Variants in SUGP2 observed in about 807,000 individuals in gnomAD.
SUGP2 encodes the protein SURP and G-patch domain-containing protein 2.
Under a neutral mutation model 90.5 loss-of-function variants are expected in SUGP2, and 24 were observed. That is an observed-to-expected ratio of 0.27 (90% CI 0.19 to 0.37). The LOEUF is 0.37. Among genes scored for constraint, SUGP2 ranks in the 10% least tolerant of loss-of-function variants. The pLI, the probability that SUGP2 is intolerant of heterozygous loss-of-function variation, is 1.00. For missense variants in SUGP2, 1,233 were observed against 1,363.3 expected (o/e 0.90, Z 1.51); for synonymous variants, 473 against 513.4 (o/e 0.92, Z 1.06).
chr19:19,005,882 CACACACACACCA>C (rs1015373331), intron 6 of SUGP2, among the ~76,000 whole-genome samples: 4 of 32,632 alleles, frequency 1.2e-4, no homozygotes, highest in African/African-American at 5.0e-4. Flanking sequence ...CACACACACA[CACACACACACCA>C]CACACACACA....
intron 2 of SUGP2, 128 bp downstream of exon 2, chr19:19,030,823 C>T: frequency 1.8e-6 from 2 of 1,124,770 alleles, no homozygotes; most frequent in Non-Finnish European, 1.3e-6. Context: ...CCTTTACCTC[C>T]TCCTAAATAA....
intron 4 of SUGP2, among the ~76,000 whole-genome samples, chr19:19,013,503 T>G (rs2145535007): frequency 6.6e-6 from 1 of 152,320 alleles, no homozygotes; most frequent in South Asian, 2.1e-4. Context: ...AACTTTTATT[T>G]TGTATCAATA....
Position 19,004,362 on chromosome 19 carries a change from G to T in SUGP2, c.2735C>A (p.Ala912Glu). ...AGGGGTGCTGCCCTCAGACTTGCCC[G>T]CCCCTCCAGGAGCGGGGGCCTCCTC... ...GGEEAPAPGG[A>E]GKSEGSTPAD... The change falls in exon 7 of 11, where the codon GCG (alanine) becomes GAG (glutamate). Residue 912 changes from alanine to glutamate, a missense_variant. Coordinates refer to ENST00000452918, the MANE Select transcript of SUGP2 (RefSeq NM_001017392.5). 6.2e-7 allele frequency: 1 copy of T among 1,613,468 alleles called. No homozygotes were observed. Among genetic ancestry groups the T allele is most frequent in the Admixed American group, 1.7e-5 (1 of 59,968 alleles).
At chr19:18,995,911 G>C (rs1402156196) in intron 8 of SUGP2, among the ~76,000 whole-genome samples, 1 of 152,188 alleles carries the variant, frequency 6.6e-6, no homozygotes, top group Non-Finnish European at 1.5e-5. Context: ...GGGAAGTGCA[G>C]CAATCTCTGG....
rs2058612471 is a variant in SUGP2, at chr19:19,019,135, A to T, written c.1824T>A (p.Thr608=). The change falls in exon 4 of 11, where the codon ACT becomes ACA. Residue 608 remains threonine (T), a synonymous_variant. Coordinates refer to ENST00000452918, the MANE Select transcript of SUGP2 (RefSeq NM_001017392.5). ...IEGSLSPKER[T]LLKEDPAYWF... ...AGTAAGCAGGGTCCTCTTTGAGAAG[A>T]GTTCTCTCTTTGGGAGACAGGCTGC... 6.2e-7 allele frequency: 1 copy of T among 1,613,966 alleles called. No homozygotes were observed. The highest frequency in any genetic ancestry group is 1.1e-5 in the South Asian group (1 of 91,086).
chr19:19,026,306 C>T lies in SUGP2; in HGVS notation c.122-80G>A, dbSNP rs1032649258. On this transcript the variant is annotated intron_variant, in intron 2 of 10. Transcript: ENST00000452918. ...AGAGAATGCAAACAGTGCAAACAAA[C>T]AGTCCACGGATCACCAGGCAGCAAA... The T allele has an allele frequency of 1.3e-5, 18 of 1,381,834 alleles. No homozygotes were observed. The South Asian group carries it at 1.4e-4, about 11-fold the overall frequency. The allele number at this position is 1,381,834 out of a possible 1,614,324, so 85.6% of individuals were successfully genotyped here. A position where few individuals can be genotyped will look rare whatever the true frequency, so the allele number is the denominator to read the frequency against.
chr19:18,994,819 C>T (rs554856961), intron 9 of SUGP2: 14 of 528,952 alleles, frequency 2.6e-5, no homozygotes, highest in African/African-American at 3.8e-5. Context: ...CTGGCTGGCC[C>T]GGCTATGGGT....
intron 3 of SUGP2, among the ~76,000 whole-genome samples, chr19:19,019,655 A>G (rs1448291771): frequency 6.6e-6 from 1 of 151,986 alleles, no homozygotes; most frequent in African/African-American, 2.4e-5. Flanking sequence ...TAAAAAATAT[A>G]AATATGGATA....
At chr19:19,028,261 T>C (rs1188781783) in intron 2 of SUGP2, among the ~76,000 whole-genome samples, 1 of 152,062 alleles carries the variant, frequency 6.6e-6, no homozygotes, top group Non-Finnish European at 1.5e-5. Flanking sequence ...GAACCACTAA[T>C]ATAAGAGACA....
chr19:18,999,735 C>T (rs1432503365), intron 8 of SUGP2, among the ~76,000 whole-genome samples: 1 of 152,206 alleles, frequency 6.6e-6, no homozygotes, highest in East Asian at 1.9e-4. Context: ...TCCCCGCCCT[C>T]CTCCCTGACC....
intron 8 of SUGP2, among the ~76,000 whole-genome samples, chr19:18,998,124 A>G (rs1056071899): frequency 2.0e-5 from 3 of 152,150 alleles, no homozygotes; most frequent in Non-Finnish European, 2.9e-5. Context: ...GCCTGCCTCC[A>G]TTCATCTCTC....
At chr19:18,998,157 TAA>T (rs2057686681) in intron 8 of SUGP2, among the ~76,000 whole-genome samples, 2 of 152,236 alleles carry the variant, frequency 1.3e-5, no homozygotes, top group South Asian at 4.1e-4. Context: ...GCTTCCCCTC[TAA>T]AGTTACCTAC....
intron 8 of SUGP2, 25 bp downstream of exon 8, chr19:19,001,588 G>A (rs2057835269): frequency 6.2e-7 from 1 of 1,612,404 alleles, no homozygotes; most frequent in South Asian, 1.1e-5. Flanking sequence ...TACTTTGAGT[G>A]AGGACTACCA....
chr19:18,994,964 G>A (rs3180770), intron 9 of SUGP2, 180 bp downstream of exon 9: 523,136 of 713,012 alleles, frequency 0.73, 193,137 homozygotes, highest in East Asian at 0.9. Context: ...ACAGAAAGGA[G>A]CCCTGTAAAC....
chr19:19,007,028 G>T (rs1407026459), intron 6 of SUGP2, among the ~76,000 whole-genome samples: 5 of 152,256 alleles, frequency 3.3e-5, no homozygotes, highest in African/African-American at 7.2e-5. Flanking sequence ...AGCACGAGGA[G>T]TTGAGAGCCC....
In SUGP2 at chr19:19,008,312, C is replaced by T; in HGVS notation, c.2450+5G>A. On this transcript the variant is annotated splice_donor_5th_base_variant and intron_variant, in intron 6 of 10. Coordinates refer to ENST00000452918, the MANE Select transcript of SUGP2 (RefSeq NM_001017392.5). Reference sequence around the variant, plus strand: ...AGGTGTGATGAGACCCGGGGGGGTACGTACCACAGGTCAGGGTTATCGGTG... The same window carrying T: ...AGGTGTGATGAGACCCGGGGGGGTATGTACCACAGGTCAGGGTTATCGGTG... 1.2e-6 allele frequency: 2 copies of T among 1,608,304 alleles called. No individual in the cohort carries two copies. Among genetic ancestry groups the T allele is most frequent in the Non-Finnish European group, 1.7e-6 (2 of 1,174,732 alleles).
rs776974757 is a variant in SUGP2 at position 19,001,704 on chromosome 19, C to T, written c.2930-30G>A. On this transcript the variant is annotated intron_variant, in intron 7 of 10. Transcript: ENST00000452918. Reference sequence around the variant, plus strand: ...AAGACAAAAGAAAGAGACACATACACATACATGTGCTTTTCCTAAATTACT... The same window carrying T: ...AAGACAAAAGAAAGAGACACATACATATACATGTGCTTTTCCTAAATTACT... The T allele has an allele frequency of 3.1e-6, 5 of 1,609,400 alleles. No homozygotes were observed. The African/African-American group carries it at 6.7e-5, about 22-fold the overall frequency.
In SUGP2 at chr19:19,025,741, G is replaced by C. The variant is rs1476238183; in HGVS notation, c.607C>G (p.Leu203Val). Residue 203 changes from leucine to valine, a missense_variant, in exon 3 of 11, where the codon CTT (leucine) becomes GTT (valine). Physicochemically the swap from Leu to Val is conservative, Grantham distance 32. Transcript: ENST00000452918. ...VDHPGEADSVLRGGSQVQARG... is the reference protein window; with the variant it reads ...VDHPGEADSVVRGGSQVQARG... ...GCCTGGACTTGACTGCCGCCCCTAAGCACAGAGTCAGCCTCCCCAGGATGG... is the reference window on the plus strand; with the variant it reads ...GCCTGGACTTGACTGCCGCCCCTAACCACAGAGTCAGCCTCCCCAGGATGG... 1 of 1,613,946 alleles carries C rather than the reference G, an allele frequency of 6.2e-7. No homozygotes were observed.
At chr19:18,994,793 G>A in intron 9 of SUGP2, 1 of 526,988 alleles carries the variant, frequency 1.9e-6, no homozygotes, top group African/African-American at 1.9e-5. Context: ...TAAACTTTGG[G>A]CCTGTGTTCG....
Sources: allele counts gnomAD v4.1 joint callset (sites outside exome capture counted in the v4.1 genomes callset), GRCh38; gene constraint gnomAD v4.1.1; transcripts MANE v1.5; gene names NCBI Gene and HGNC (gene_info 2026-07-23, HGNC 2026-07-21).